NFKB1: variants seen among roughly 807,000 people sequenced by gnomAD.
The protein encoded by NFKB1 is nuclear factor NF-kappa-B p105 subunit.
Under a neutral mutation model 105.1 loss-of-function variants are expected in NFKB1, and 9 were observed. The ratio of observed to expected loss-of-function variants is 0.09; its 90% CI spans 0.05 to 0.15. The LOEUF (loss-of-function observed/expected upper bound fraction) is 0.15. NFKB1 is among the 10% of genes least tolerant of loss of function. NFKB1 has a pLI of 1.00. For synonymous variants in NFKB1, 440 were observed against 442.2 expected, an observed-to-expected ratio of 1.00 and a Z score of 0.06; for missense variants, 830 against 1,203.7, an observed-to-expected ratio of 0.69 and a Z score of 4.59.
rs756468288 is a variant in NFKB1 at position 102,606,694 on chromosome 4, G to C, written c.1951G>C (p.Asp651His). 6.2e-7 allele frequency: 1 copy of C among 1,613,122 alleles called. No homozygotes were observed. The highest frequency in any genetic ancestry group is 1.1e-5 in the South Asian group (1 of 90,978). The stretch of plus-strand genomic sequence containing the variant: ...ACTACTTCTTGACCACCCCAACGGG[G>C]ACGGTAAGAGACAATCACACATCAT... ...AALLLDHPNG[D>H]GLNAIHLAMM... The change falls in exon 17 of 24, where the codon GAC becomes CAC. Residue 651 changes from aspartate to histidine, a missense_variant. Physicochemically the swap from Asp to His is moderately conservative, Grantham distance 81. Coordinates refer to ENST00000226574, the MANE Select transcript of NFKB1 (RefSeq NM_003998.4).
At chr4:102,572,351 T>G (rs563840640) in intron 6 of NFKB1, among the ~76,000 whole-genome samples, 1 of 136,214 alleles carries the variant, frequency 7.3e-6, no homozygotes, top group Non-Finnish European at 1.6e-5. Context: ...GGGGGAGGGA[T>G]AGCATTAGGA....
At chr4:102,596,541 G>A (rs988064064) in intron 14 of NFKB1, among the ~76,000 whole-genome samples, 1 of 152,084 alleles carries the variant, frequency 6.6e-6, no homozygotes, top group Non-Finnish European at 1.5e-5. Flanking sequence ...TGAATGTAAA[G>A]GACAGAAATT....
intron 16 of NFKB1, 118 bp downstream of exon 16, chr4:102,601,127 C>A (rs147731013): frequency 9.4e-6 from 6 of 635,260 alleles, no homozygotes; most frequent in South Asian, 2.0e-5. Context: ...CAAAAACAAA[C>A]CTTTGTAGGT....
At chr4:102,587,173 C>A (rs1055028431) in intron 11 of NFKB1, among the ~76,000 whole-genome samples, 1 of 152,224 alleles carries the variant, frequency 6.6e-6, no homozygotes, top group Non-Finnish European at 1.5e-5. Flanking sequence ...GCTGTCCCAC[C>A]TCTCCTTACT....
In NFKB1 at chr4:102,606,519, C is replaced by G; in HGVS notation, c.1776C>G (p.Ile592Met). 6.2e-7 allele frequency: 1 copy of G among 1,614,122 alleles called. No individual in the cohort carries two copies. Among genetic ancestry groups the G allele is most frequent in the Non-Finnish European group, 8.5e-7 (1 of 1,180,016 alleles). ...AGACGCCCTTGCACTTGGCAGTGAT[C>G]ACTAAGCAGGAAGATGTGGTGGAGG... The part of the protein sequence containing the change: ...LYQTPLHLAV[I>M]TKQEDVVEDL... Residue 592 changes from isoleucine to methionine, a missense_variant, in exon 17 of 24, where the codon ATC (isoleucine) becomes ATG (methionine). Ile to Met is a conservative substitution (Grantham distance 10). This residue lies in a region of NFKB1 where 418 missense variants were observed against 575.3 expected (regional missense o/e 0.73). Coordinates refer to ENST00000226574, the MANE Select transcript of NFKB1 (RefSeq NM_003998.4).
intron 6 of NFKB1, among the ~76,000 whole-genome samples, chr4:102,571,667 G>T (rs1358675265): frequency 6.6e-6 from 1 of 152,104 alleles, no homozygotes; most frequent in Non-Finnish European, 1.5e-5. Flanking sequence ...TCAAAAAGTG[G>T]GCAAAGGATA....
At chr4:102,532,376 C>T (rs1319217541) in intron 3 of NFKB1, among the ~76,000 whole-genome samples, 1 of 152,178 alleles carries the variant, frequency 6.6e-6, no homozygotes, top group Non-Finnish European at 1.5e-5. Flanking sequence ...CGCCTGTAAT[C>T]CCAGCACTTT....
chr4:102,515,068 G>A, intron 1 of NFKB1, among the ~76,000 whole-genome samples: 1 of 148,560 alleles, frequency 6.7e-6, no homozygotes, highest in Non-Finnish European at 1.5e-5. Context: ...TCTTCTAGAT[G>A]AGTTCAGTCC....
chr4:102,531,157 T>C (rs916449415), intron 3 of NFKB1, among the ~76,000 whole-genome samples: 1 of 152,222 alleles, frequency 6.6e-6, no homozygotes, highest in Non-Finnish European at 1.5e-5. Flanking sequence ...TACAAAACAG[T>C]ATCCTGAGGC....
intron 6 of NFKB1, among the ~76,000 whole-genome samples, chr4:102,571,666 G>C (rs577906181): frequency 2.0e-5 from 3 of 152,094 alleles, no homozygotes. Context: ...ATCAAAAAGT[G>C]GGCAAAGGAT....
chr4:102,548,979 C>T (rs1271598156), intron 5 of NFKB1, among the ~76,000 whole-genome samples: 1 of 152,062 alleles, frequency 6.6e-6, no homozygotes, highest in Admixed American at 6.6e-5. Flanking sequence ...TGGGGGTACA[C>T]CATTCAGCCC....
intron 6 of NFKB1, among the ~76,000 whole-genome samples, chr4:102,571,037 G>A (rs1456961950): frequency 6.6e-6 from 1 of 152,136 alleles, no homozygotes; most frequent in Non-Finnish European, 1.5e-5. Context: ...ACAATCCTAA[G>A]CCAAAAGAAC....
intron 20 of NFKB1, among the ~76,000 whole-genome samples, chr4:102,611,570 C>T (rs1474590586): frequency 1.3e-5 from 2 of 152,202 alleles, no homozygotes; most frequent in African/African-American, 4.8e-5. Flanking sequence ...TCAGTATTGC[C>T]AGAGGGTTAA....
chr4:102,550,427 G>A (rs1017167619), intron 5 of NFKB1, among the ~76,000 whole-genome samples: 1 of 152,014 alleles, frequency 6.6e-6, no homozygotes, highest in Non-Finnish European at 1.5e-5. Flanking sequence ...TAAAAATCTC[G>A]AGTTCATACA....
chr4:102,504,851 G>T (rs1348392309), intron 1 of NFKB1, among the ~76,000 whole-genome samples: 1 of 152,174 alleles, frequency 6.6e-6, no homozygotes, highest in Non-Finnish European at 1.5e-5. Flanking sequence ...GCATAGTCCT[G>T]CAAGTCAGTT....
At chr4:102,545,635 A>G (rs1336627393) in intron 5 of NFKB1, among the ~76,000 whole-genome samples, 2 of 152,114 alleles carry the variant, frequency 1.3e-5, no homozygotes, top group Non-Finnish European at 2.9e-5. Context: ...ATCTGTTTCT[A>G]CTTTGCAGGA....
At chr4:102,558,499 TTA>T (rs1723159650) in intron 5 of NFKB1, among the ~76,000 whole-genome samples, 2 of 152,178 alleles carry the variant, frequency 1.3e-5, no homozygotes, top group South Asian at 4.1e-4. Context: ...ACCCAACCCT[TTA>T]TATTTTAGTA....
At chr4:102,587,950 G>C (rs1725850444) in intron 11 of NFKB1, among the ~76,000 whole-genome samples, 1 of 152,118 alleles carries the variant, frequency 6.6e-6, no homozygotes, top group South Asian at 2.1e-4. Flanking sequence ...ACATTTCTCA[G>C]AAGTCATTGA....
At chr4:102,537,833 A>G (rs775099317) in intron 4 of NFKB1, 25 bp from the exon 5 acceptor site, 12 of 1,423,812 alleles carry the variant, frequency 8.4e-6, no homozygotes, top group Admixed American at 7.1e-5. Flanking sequence ...CTCAAACTTA[A>G]TTGGCTTAAC....
Sources: gnomAD v4.1 joint callset for allele counts (sites outside exome capture counted in the v4.1 genomes callset) on GRCh38, gnomAD v4.1.1 for gene constraint, gnomAD v4.1.1 regional missense constraint, MANE v1.5 for transcripts, NCBI Gene and HGNC (gene_info 2026-07-23, HGNC 2026-07-21) for gene names.